Variants in S100Z observed in about 807,000 individuals in gnomAD.
S100Z encodes S100 calcium binding protein Z, also known as protein S100-Z.
Under a neutral mutation model 8.5 loss-of-function variants are expected in S100Z, and 11 were observed. The ratio of observed to expected loss-of-function variants is 1.30; its 90% CI spans 0.82 to 2.15. The LOEUF (loss-of-function observed/expected upper bound fraction) is 2.15. Among genes scored for constraint, S100Z ranks in the 30% most tolerant of loss-of-function variants. The pLI is 0.00. For synonymous variants in S100Z, 34 were observed against 43.8 expected (o/e 0.78, Z 0.89); for missense variants, 126 against 117.9 (o/e 1.07, Z -0.32).
At chr5:76,932,322 T>G in the S100Z span, among the ~76,000 whole-genome samples, 1 of 152,156 alleles carries the variant, frequency 6.6e-6, no homozygotes, top group Non-Finnish European at 1.5e-5. Flanking sequence ...CACAAGATTT[T>G]TATGCCCTTC....
downstream of S100Z, among the ~76,000 whole-genome samples, chr5:76,923,010 A>G (rs1440714076): frequency 8.5e-6 from 1 of 117,270 alleles, no homozygotes; most frequent in African/African-American, 3.4e-5. Flanking sequence ...TACAATGCCT[A>G]TGTAAAAAAA....
At chr5:76,913,085 A>G (rs1282789480) in intron 4 of S100Z, among the ~76,000 whole-genome samples, 1 of 152,244 alleles carries the variant, frequency 6.6e-6, no homozygotes, top group East Asian at 1.9e-4. Flanking sequence ...AGAACCTATA[A>G]TTGATAATTG....
At chr5:76,945,464 G>T in the S100Z span, among the ~76,000 whole-genome samples, 15 of 152,326 alleles carry the variant, frequency 9.8e-5, no homozygotes, top group South Asian at 1.2e-3. Flanking sequence ...CCCTGGGAAT[G>T]GAATGTCTCG....
intron 4 of S100Z, among the ~76,000 whole-genome samples, chr5:76,914,986 C>A (rs1296830019): frequency 1.3e-5 from 2 of 152,142 alleles, no homozygotes; most frequent in Non-Finnish European, 2.9e-5. Flanking sequence ...TCAGCAAGAC[C>A]AAGAATCCAC....
intron 4 of S100Z, among the ~76,000 whole-genome samples, chr5:76,886,022 G>A (rs1743615755): frequency 6.9e-6 from 1 of 145,948 alleles, no homozygotes; most frequent in African/African-American, 2.5e-5. Context: ...AAAAGAGAGA[G>A]TAGAGACACG....
Position 76,921,195 on chromosome 5 carries a change from A to G in S100Z, c.*481A>G, listed in dbSNP as rs773842808. 1 of 152,218 alleles carries G rather than the reference A, an allele frequency of 6.6e-6. No individual in the cohort carries two copies. Among genetic ancestry groups the G allele is most frequent in the Non-Finnish European group, 1.5e-5 (1 of 68,026 alleles). The allele number at this position is 152,218 out of a possible 1,614,324, so 9.4% of individuals were successfully genotyped here. The stretch of plus-strand genomic sequence containing the variant: ...CCAAAAAATATCTTTTGTTATCTAT[A>G]TAGTTCCAGCTTAATAAATATACAA... On this transcript the variant is annotated 3_prime_UTR_variant, in exon 5 of 5. Coordinates refer to ENST00000317593, the MANE Select transcript of S100Z (RefSeq NM_130772.4).
chr5:76,937,222 A>C, the S100Z span, among the ~76,000 whole-genome samples: 1 of 151,738 alleles, frequency 6.6e-6, no homozygotes, highest in Non-Finnish European at 1.5e-5. Context: ...TTAAGGACAC[A>C]TATGTAGGTG....
chr5:76,946,127 G>A, the S100Z span, among the ~76,000 whole-genome samples: 737 of 152,274 alleles, frequency 4.8e-3, 6 homozygotes, highest in African/African-American at 0.016. Flanking sequence ...TGCCTGGCTG[G>A]ACACAGGGAT....
chr5:76,883,903 T>A (rs1490318248), intron 4 of S100Z, among the ~76,000 whole-genome samples: 1 of 152,066 alleles, frequency 6.6e-6, no homozygotes, highest in Non-Finnish European at 1.5e-5. Flanking sequence ...GGTTCAGGTG[T>A]TTGGAGTTCT....
chr5:76,942,190 C>T, the S100Z span, among the ~76,000 whole-genome samples: 20 of 152,034 alleles, frequency 1.3e-4, no homozygotes, highest in African/African-American at 4.6e-4. Context: ...TCTTTGCTCA[C>T]TGCAACCGCT....
At chr5:76,916,272 G>A (rs1410838057) in intron 4 of S100Z, among the ~76,000 whole-genome samples, 1 of 151,102 alleles carries the variant, frequency 6.6e-6, no homozygotes, top group Non-Finnish European at 1.5e-5. Flanking sequence ...CCAAATAACA[G>A]AACTACAAAA....
Position 76,864,386 on chromosome 5 carries a change from A to T in S100Z, c.-175-5780A>T, listed in dbSNP as rs1369887238. On this transcript the variant is annotated intron_variant, in intron 1 of 4. Coordinates refer to ENST00000317593, the MANE Select transcript of S100Z (RefSeq NM_130772.4). Reference sequence around the variant, plus strand: ...TATGTTACTGCTTAATGCATACTATATTTTTTTTTTTTTTTTTTTTTTTTT... The same window carrying T: ...TATGTTACTGCTTAATGCATACTATTTTTTTTTTTTTTTTTTTTTTTTTTT... 2.0e-3 allele frequency among the ~76,000 whole-genome samples: 148 copies of T among 72,204 alleles called. 1 individual carries two copies. The highest frequency in any genetic ancestry group is 3.0e-3 in the Non-Finnish European group (116 of 39,296). The allele number at this position is 72,204 out of a possible 152,430, so 47.4% of individuals were successfully genotyped here. A position where few individuals can be genotyped will look rare whatever the true frequency, so the allele number is the denominator to read the frequency against.
At chr5:76,947,500 C>G in the S100Z span, among the ~76,000 whole-genome samples, 1 of 152,008 alleles carries the variant, frequency 6.6e-6, no homozygotes, top group South Asian at 2.1e-4. Flanking sequence ...CCTTTTTTTA[C>G]TGAAATAGAA....
At chr5:76,896,653 T>C (rs1374458967) in intron 4 of S100Z, among the ~76,000 whole-genome samples, 2 of 152,216 alleles carry the variant, frequency 1.3e-5, no homozygotes, top group East Asian at 3.8e-4. Context: ...TACATCCCCA[T>C]CAATGCATAC....
chr5:76,916,342 T>C (rs1744854298), intron 4 of S100Z, among the ~76,000 whole-genome samples: 2 of 152,064 alleles, frequency 1.3e-5, no homozygotes, highest in African/African-American at 4.8e-5. Context: ...CAATTACAAT[T>C]GAAGACTGCA....
chr5:76,850,998 A>G lies in S100Z; in HGVS notation c.-176+843A>G, dbSNP rs573979742. 6.4e-4 allele frequency among the ~76,000 whole-genome samples: 97 copies of G among 152,232 alleles called. 2 individuals carry two copies. The highest frequency in any genetic ancestry group is 2.3e-3 in the East Asian group (12 of 5,162). ...GGATTTTTGAGGATGACATAAAGGA[A>G]TACATTTAAACTGCCTAGAAGGGTG... On this transcript the variant is annotated intron_variant, in intron 1 of 4. Transcript: ENST00000317593.
chr5:76,851,514 G>C (rs533839845), intron 1 of S100Z, among the ~76,000 whole-genome samples: 6 of 152,272 alleles, frequency 3.9e-5, no homozygotes, highest in South Asian at 2.1e-4. Context: ...TTGCATGAGA[G>C]AGAGAGAGGG....
chr5:76,900,937 C>T (rs1209276725), intron 4 of S100Z, among the ~76,000 whole-genome samples: 2 of 152,220 alleles, frequency 1.3e-5, no homozygotes, highest in Admixed American at 1.3e-4. Context: ...CTTTAGAGGA[C>T]ACCCCAATCC....
chr5:76,893,505 T>C (rs936691894), intron 4 of S100Z, among the ~76,000 whole-genome samples: 10 of 151,952 alleles, frequency 6.6e-5, no homozygotes, highest in South Asian at 2.1e-4. Flanking sequence ...ATTGCATCAC[T>C]GTACTCCACT....
Sources: allele counts gnomAD v4.1 joint callset (sites outside exome capture counted in the v4.1 genomes callset), GRCh38; gene constraint gnomAD v4.1.1; transcripts MANE v1.5; gene names NCBI Gene and HGNC (gene_info 2026-07-23, HGNC 2026-07-21).